The following CLEC1A variants were observed in gnomAD, a reference collection of about 807,000 sequenced individuals.
CLEC1A encodes the protein C-type lectin domain family 1 member A.
Under a neutral mutation model 28.7 loss-of-function variants are expected in CLEC1A, and 34 were observed. The ratio of observed to expected loss-of-function variants is 1.18; its 90% CI spans 0.90 to 1.57. The LOEUF (loss-of-function observed/expected upper bound fraction) is 1.57. Ranked by LOEUF, CLEC1A falls within the 40% of genes most tolerant of loss-of-function variation. The pLI is 0.00. For missense variants in CLEC1A, 385 were observed against 339.5 expected (o/e 1.13, Z -1.05); for synonymous variants, 116 against 121.0 (o/e 0.96, Z 0.27).
chr12:10,077,473 G>A (rs1948185), intron 3 of CLEC1A, among the ~76,000 whole-genome samples: 118,395 of 151,982 alleles, frequency 0.78, 47,779 homozygotes, highest in Non-Finnish European at 0.89. Flanking sequence ...ATTTTTGGCC[G>A]GAAAAACGGG....
chr12:10,094,247 T>C (rs1020776776), intron 1 of CLEC1A, among the ~76,000 whole-genome samples: 3 of 152,232 alleles, frequency 2.0e-5, no homozygotes, highest in African/African-American at 4.8e-5. Flanking sequence ...AAATGTCTTA[T>C]ATGAATGTTC....
intron 3 of CLEC1A, among the ~76,000 whole-genome samples, chr12:10,076,871 A>G (rs950328532): frequency 6.6e-6 from 1 of 152,180 alleles, no homozygotes; most frequent in African/African-American, 2.4e-5. Flanking sequence ...CAGCAACTGG[A>G]CTCAGCAAGG....
intron 1 of CLEC1A, among the ~76,000 whole-genome samples, chr12:10,091,137 G>A (rs2137367042): frequency 6.6e-6 from 1 of 152,192 alleles, no homozygotes; most frequent in African/African-American, 2.4e-5. Context: ...CCTGTACTAG[G>A]TAATCTTTTC....
chr12:10,077,178 T>C (rs576948997), intron 3 of CLEC1A, among the ~76,000 whole-genome samples: 1 of 152,280 alleles, frequency 6.6e-6, no homozygotes, highest in South Asian at 2.1e-4. Context: ...AGTGATACTA[T>C]GTAACTAAAG....
intron 2 of CLEC1A, among the ~76,000 whole-genome samples, chr12:10,084,821 C>CAAAAAAAAAAAAAAAAAAA (rs57574014): frequency 2.4e-5 from 2 of 83,740 alleles, no homozygotes; most frequent in Non-Finnish European, 2.4e-5. Flanking sequence ...GACTCTGTAT[C>CAAAAAAAAAAAAAAAAAAA]AAAAAAAAAA....
intron 4 of CLEC1A, 57 bp downstream of exon 4, chr12:10,075,447 T>C (rs1328257040): frequency 3.2e-6 from 5 of 1,573,536 alleles, no homozygotes; most frequent in Non-Finnish European, 4.3e-6. Context: ...TCTTGCCTAA[T>C]GCTTTTAAGG....
At chr12:10,098,720 G>T in intron 1 of CLEC1A, 88 bp downstream of exon 1, 2 of 794,600 alleles carry the variant, frequency 2.5e-6, no homozygotes, top group Non-Finnish European at 3.9e-6. Context: ...TAAGATGCAA[G>T]CTAAATATCT....
At chr12:10,077,517 T>C (rs758946629) in intron 3 of CLEC1A, among the ~76,000 whole-genome samples, 6 of 152,140 alleles carry the variant, frequency 3.9e-5, no homozygotes, top group Non-Finnish European at 2.9e-5. Context: ...AAATGTTTTG[T>C]CCATGGCATA....
At chr12:10,083,099 C>T (rs1324298099) in intron 2 of CLEC1A, among the ~76,000 whole-genome samples, 1 of 152,124 alleles carries the variant, frequency 6.6e-6, no homozygotes, top group Non-Finnish European at 1.5e-5. Flanking sequence ...GTGGCTAGAC[C>T]CAGAAGAGAA....
At chr12:10,072,983 G>A (rs748976762) in intron 5 of CLEC1A, among the ~76,000 whole-genome samples, 29 of 152,170 alleles carry the variant, frequency 1.9e-4, no homozygotes, top group Non-Finnish European at 3.7e-4. Flanking sequence ...AGAAGGCTGA[G>A]GTGAGAGGAG....
intron 1 of CLEC1A, 138 bp from the exon 2 acceptor site, chr12:10,089,360 G>C: frequency 1.5e-6 from 1 of 659,326 alleles, no homozygotes; most frequent in African/African-American, 1.8e-5. Context: ...TGGATAACCT[G>C]CTTTCTGTCC....
chr12:10,080,194 T>C (rs1228632291), intron 3 of CLEC1A, among the ~76,000 whole-genome samples: 1 of 152,048 alleles, frequency 6.6e-6, no homozygotes, highest in African/African-American at 2.4e-5. Flanking sequence ...ACACCTGTAG[T>C]CCCAGCTACT....
rs1373870886 is a variant in CLEC1A, at chr12:10,071,425, C to A, written c.751G>T (p.Glu251Ter). Residue 251 changes from glutamate (E) to a stop codon, truncating the protein, a stop_gained, in exon 6 of 6, where the codon GAA becomes TAA. Transcript: ENST00000315330. LOFTEE classifies it low-confidence loss of function (END_TRUNC). ...CTCTCACAGACACAACGCTTCAATT[C>A]TTTGCAGTCCTTTGAGAAGATCATC... ...NGMIFSKDCK[E>*]LKRCVCERRA... 6.2e-7 allele frequency: 1 copy of A among 1,614,028 alleles called. No homozygotes were observed. Among genetic ancestry groups the A allele is most frequent in the Non-Finnish European group, 8.5e-7 (1 of 1,179,908 alleles).
In CLEC1A at chr12:10,071,120, T is replaced by C. The variant is rs1866117466; in HGVS notation, c.*213A>G. 1 of 402,436 alleles carries C rather than the reference T, an allele frequency of 2.5e-6. No individual in the cohort carries two copies. Among genetic ancestry groups the C allele is most frequent in the South Asian group, 6.2e-5 (1 of 16,050 alleles). The allele number at this position is 402,436 out of a possible 1,614,324, so 24.9% of individuals were successfully genotyped here. A position where few individuals can be genotyped will look rare whatever the true frequency, so the allele number is the denominator to read the frequency against. On this transcript the variant is annotated 3_prime_UTR_variant, in exon 6 of 6. Coordinates refer to ENST00000315330, the MANE Select transcript of CLEC1A (RefSeq NM_016511.4). ...ATTATGGGTTTCTGAGGTTGGTTGG[T>C]GGCATGTAAATAAGACTTCTTGTGA...
intron 1 of CLEC1A, among the ~76,000 whole-genome samples, chr12:10,097,915 T>A (rs376725596): frequency 2.5e-5 from 3 of 117,894 alleles, no homozygotes; most frequent in Admixed American, 8.9e-5. Flanking sequence ...GTAGTTTAGT[T>A]AAAAAAAAAA....
intron 1 of CLEC1A, among the ~76,000 whole-genome samples, chr12:10,096,756 A>G (rs1204090435): frequency 3.3e-5 from 5 of 151,996 alleles, no homozygotes; most frequent in African/African-American, 1.2e-4. Context: ...CTTTCCCTTC[A>G]TACGTCTCTC....
At chr12:10,072,360 T>C (rs967814258) in intron 5 of CLEC1A, among the ~76,000 whole-genome samples, 5 of 152,224 alleles carry the variant, frequency 3.3e-5, no homozygotes, top group African/African-American at 1.2e-4. Flanking sequence ...AGGCATTCAT[T>C]TATGCTGATG....
At chr12:10,089,346 G>A (rs1384474360) in intron 1 of CLEC1A, 124 bp from the exon 2 acceptor site, 1 of 721,246 alleles carries the variant, frequency 1.4e-6, no homozygotes, top group African/African-American at 1.8e-5. Context: ...ACGGTAACAG[G>A]GGCTGGATAA....
At position 10,073,400 on chromosome 12, in the gene CLEC1A, C is replaced by T. The variant is rs141659416; in HGVS notation, c.555G>A (p.Ala185=). 108 of 1,612,258 alleles carry T rather than the reference C, an allele frequency of 6.7e-5. 1 individual carries two copies. The highest frequency in any genetic ancestry group is 3.3e-4 in the African/African-American group (25 of 74,866). ...INKQEDLEFA[A]SQSYSEFFYS... is the part of the protein sequence containing the mutation. ...AGAAAAACTCAGAGTAGCTCTGAGA[C>T]GCGGCAAATTCCTGTGAAAAGCACA... The change falls in exon 5 of 6, where the codon GCG becomes GCA. Residue 185 remains alanine (A), a synonymous_variant. Coordinates refer to ENST00000315330, the MANE Select transcript of CLEC1A (RefSeq NM_016511.4).
Sources: gnomAD v4.1 joint callset for allele counts (sites outside exome capture counted in the v4.1 genomes callset) on GRCh38, gnomAD v4.1.1 for gene constraint, MANE v1.5 for transcripts, NCBI Gene and HGNC (gene_info 2026-07-23, HGNC 2026-07-21) for gene names.